Variants in ACAA1 observed in about 807,000 individuals in gnomAD.
The protein encoded by ACAA1 is 3-ketoacyl-CoA thiolase, peroxisomal.
Under a neutral mutation model 48.8 loss-of-function variants are expected in ACAA1, and 44 were observed. The observed-to-expected ratio is 0.90, with a 90% CI of 0.71 to 1.16. ACAA1 has a LOEUF of 1.16. Among genes scored for constraint, ACAA1 ranks in the 50% most tolerant of loss-of-function variants. ACAA1 has a pLI of 0.00. For synonymous variants in ACAA1, 233 were observed against 226.5 expected (o/e 1.03, Z -0.26); for missense variants, 512 against 562.3 (o/e 0.91, Z 0.90).
chr3:38,127,711 C>T, intron 7 of ACAA1, 75 bp downstream of exon 7: 1 of 1,481,750 alleles, frequency 6.7e-7, no homozygotes, highest in Non-Finnish European at 9.4e-7. Flanking sequence ...GAAATGGTGC[C>T]ACTTCAGACC....
intron 11 of ACAA1, 45 bp downstream of exon 11, chr3:38,125,520 C>G (rs757659929): frequency 2.6e-6 from 4 of 1,509,636 alleles, no homozygotes; most frequent in Non-Finnish European, 3.5e-6. Context: ...GGTGCCCTAA[C>G]TTGGATATCC....
chr3:38,130,207 GGAT>G (rs1272489774), intron 5 of ACAA1, among the ~76,000 whole-genome samples: 4 of 152,214 alleles, frequency 2.6e-5, no homozygotes, highest in Non-Finnish European at 5.9e-5. Flanking sequence ...ACACCTCAAG[GGAT>G]GATAACAGAT....
rs139044259 is a variant in ACAA1, at chr3:38,129,373, G to A, written c.462C>T (p.Ser154=). ...IGMACGVESM[S]LADRGNPGNI... ...TTCCAGGGTTCCCTCTGTCAGCCAGGGACATGGACTCCACCCTGGGGAGGA... is the reference window on the plus strand; with the variant it reads ...TTCCAGGGTTCCCTCTGTCAGCCAGAGACATGGACTCCACCCTGGGGAGGA... Residue 154 remains serine, a synonymous_variant, in exon 6 of 12, where the codon TCC becomes TCT. Transcript: ENST00000333167. The surrounding 1 kb of genome is among the most constrained non-coding windows in gnomAD (Gnocchi z 5.3). 3.9e-4 allele frequency: 632 copies of A among 1,614,000 alleles called. 2 individuals carry two copies. In the African/African-American group the frequency reaches 7.2e-3, roughly 18 times the overall value.
rs1220174822 is a variant in ACAA1 at position 38,136,881 on chromosome 3, C to G, written c.155G>C (p.Gly52Ala). 6.6e-7 allele frequency: 1 copy of G among 1,526,002 alleles called. No homozygotes were observed. Among genetic ancestry groups the G allele is most frequent in the African/African-American group, 1.4e-5 (1 of 71,050 alleles). The allele number at this position is 1,526,002 out of a possible 1,614,324, so 94.5% of individuals were successfully genotyped here. The change falls in exon 1 of 12, where the codon GGC (glycine) becomes GCC (alanine). Residue 52 changes from glycine (G) to alanine (A), a missense_variant. Coordinates refer to ENST00000333167, the MANE Select transcript of ACAA1 (RefSeq NM_001607.4). The part of the protein sequence containing the change: ...HGRRTAICRA[G>A]RGGFKDTTPD... ...GGGCCTCACCTTGAAGCCGCCGCGG[C>G]CCGCCCGGCAGATGGCCGTGCGCCG...
intron 1 of ACAA1, 43 bp downstream of exon 1, chr3:38,136,822 C>T: frequency 6.7e-7 from 1 of 1,488,380 alleles, no homozygotes; most frequent in Non-Finnish European, 8.9e-7. Context: ...CCAGCCCGCG[C>T]CGGCGTCTTC....
chr3:38,125,946 T>C (rs531090246), intron 9 of ACAA1, 65 bp from the exon 10 acceptor site: 3 of 1,601,438 alleles, frequency 1.9e-6, no homozygotes, highest in Non-Finnish European at 2.6e-6. Context: ...GCCCACCCCA[T>C]CCATGGGCCT....
rs1418058073 is a variant in ACAA1 at position 38,125,653 on chromosome 3, C to T, written c.1111G>A (p.Gly371Ser). The change falls in exon 11 of 12, where the codon GGT becomes AGT. Residue 371 changes from glycine to serine, a missense_variant. By Grantham distance (56) the Gly-to-Ser change is moderately conservative. Coordinates refer to ENST00000333167, the MANE Select transcript of ACAA1 (RefSeq NM_001607.4). ...AGTGGGTGCCCTAAGGCCACTGCACCCCCCAGGGGGTTCACCTTCTCAGGG... is the reference window on the plus strand; with the variant it reads ...AGTGGGTGCCCTAAGGCCACTGCACTCCCCAGGGGGTTCACCTTCTCAGGG... Reference protein sequence around the residue: ...LPPEKVNPLGGAVALGHPLGC... With the variant: ...LPPEKVNPLGSAVALGHPLGC... 1.3e-6 allele frequency: 2 copies of T among 1,597,628 alleles called. No individual in the cohort carries two copies. The highest frequency in any genetic ancestry group is 1.7e-5 in the Admixed American group (1 of 58,416).
chr3:38,123,280 C>A (rs765710557), intron 11 of ACAA1, 158 bp from the exon 12 acceptor site: 4 of 660,722 alleles, frequency 6.1e-6, no homozygotes, highest in Non-Finnish European at 1.1e-5. Flanking sequence ...GGCACACACA[C>A]GGTGACAGAT....
intron 2 of ACAA1, among the ~76,000 whole-genome samples, chr3:38,135,835 C>T (rs1700880255): frequency 6.6e-6 from 1 of 152,144 alleles, no homozygotes. Context: ...GCAAAGAGGC[C>T]TTCCTCTTTT....
At chr3:38,130,828 C>G (rs1328108038) in intron 5 of ACAA1, among the ~76,000 whole-genome samples, 5 of 152,224 alleles carry the variant, frequency 3.3e-5, no homozygotes, top group African/African-American at 4.8e-5. Context: ...AGCCCTGGGA[C>G]AGGGGCCAGC....
At chr3:38,128,969 C>T (rs750109158) in intron 6 of ACAA1, among the ~76,000 whole-genome samples, 1 of 152,224 alleles carries the variant, frequency 6.6e-6, no homozygotes, top group Non-Finnish European at 1.5e-5. Flanking sequence ...ACAAGCTTCC[C>T]ACTGCCTTCT....
chr3:38,131,565 TTAA>T (rs771535081), intron 5 of ACAA1, 28 bp downstream of exon 5: 10 of 1,612,280 alleles, frequency 6.2e-6, no homozygotes, highest in Non-Finnish European at 7.6e-6. Context: ...CACAAGTTGG[TTAA>T]TAAGCTCCGG....
At chr3:38,128,736 C>T (rs1025899114) in intron 6 of ACAA1, among the ~76,000 whole-genome samples, 4 of 152,162 alleles carry the variant, frequency 2.6e-5, no homozygotes, top group East Asian at 3.9e-4. Flanking sequence ...GGACTACAGG[C>T]GCTCACCACC....
chr3:38,132,091 C>CCCT, intron 3 of ACAA1, 86 bp from the exon 4 acceptor site: 1 of 1,244,332 alleles, frequency 8.0e-7, no homozygotes. Context: ...CTAACTGCCC[C>CCCT]CCTCAAGGGA....
Position 38,126,428 on chromosome 3 carries a change from G to A in ACAA1, c.817+82C>T. The A allele has an allele frequency of 6.2e-7, 1 of 1,609,112 alleles. No individual in the cohort carries two copies. ...CCACTTCTACTTTGCAGAGGGGCCTGGTCTATTCCAGGTTCCCAGAGTACA... is the reference window on the plus strand; with the variant it reads ...CCACTTCTACTTTGCAGAGGGGCCTAGTCTATTCCAGGTTCCCAGAGTACA... On this transcript the variant is annotated intron_variant, in intron 8 of 11. Transcript: ENST00000333167. This position sits in a 1 kb window ranked among gnomAD's most constrained non-coding sequence, Gnocchi z 4.7.
Position 38,126,605 on chromosome 3 carries a change from GT to G in ACAA1, c.721del (p.Thr241LeufsTer2). 6.2e-7 allele frequency: 1 copy of G among 1,614,206 alleles called. No individual in the cohort carries two copies. The highest frequency in any genetic ancestry group is 8.5e-7 in the Non-Finnish European group (1 of 1,180,030). ...HDDKGTKRSI[T>X]VTQDEGIRPS... ...GCGGATACCCTCATCCTGGGTCACAGTGATGCTCCTCTTGGTGCCCTTGTCA... is the reference window on the plus strand; with the variant it reads ...GCGGATACCCTCATCCTGGGTCACAGGATGCTCCTCTTGGTGCCCTTGTCA... On this transcript the variant is annotated frameshift_variant, in exon 8 of 12. Transcript: ENST00000333167. LOFTEE classifies it high-confidence loss of function. This position sits in a 1 kb window ranked among gnomAD's most constrained non-coding sequence, Gnocchi z 4.7.
chr3:38,127,944 G>C, intron 6 of ACAA1, 78 bp from the exon 7 acceptor site: 1 of 1,490,054 alleles, frequency 6.7e-7, no homozygotes, highest in Non-Finnish European at 9.4e-7. Flanking sequence ...AGCTGTGCTT[G>C]GAACTTTGGG....
intron 1 of ACAA1, 59 bp from the exon 2 acceptor site, chr3:38,136,744 C>T: frequency 2.6e-6 from 4 of 1,523,216 alleles, no homozygotes; most frequent in Non-Finnish European, 2.6e-6. Flanking sequence ...CCCAGGGAGA[C>T]AAAGCGACCA....
At chr3:38,134,466 G>A (rs1700847783) in intron 2 of ACAA1, 1 of 458,420 alleles carries the variant, frequency 2.2e-6, no homozygotes, top group Admixed American at 2.4e-5. Context: ...GGAATAGAGG[G>A]CTGGACTGAA....
Sources: gnomAD v4.1 joint callset for allele counts (sites outside exome capture counted in the v4.1 genomes callset) on GRCh38, gnomAD v4.1.1 for gene constraint, Gnocchi (gnomAD v3.1) non-coding constraint, MANE v1.5 for transcripts, NCBI Gene and HGNC (gene_info 2026-07-23, HGNC 2026-07-21) for gene names.